The following FSTL4 variants were observed in gnomAD, a reference collection of about 807,000 sequenced individuals.
The protein encoded by FSTL4 is follistatin like 4, also known as follistatin-related protein 4.
In FSTL4, 28 loss-of-function variants were observed where a neutral mutation model predicts 78.2. The ratio of observed to expected loss-of-function variants is 0.36; its 90% CI spans 0.27 to 0.49. The LOEUF (loss-of-function observed/expected upper bound fraction) is 0.49, where lower values mean the gene tolerates loss of function less well. FSTL4 is among the 20% of genes least tolerant of loss of function. The probability of loss-of-function intolerance (pLI) is 0.98; values close to 1 mark genes in which losing one functional copy is unlikely to be tolerated. For synonymous variants in FSTL4, 422 were observed against 440.5 expected (o/e 0.96, Z 0.53); for missense variants, 922 against 1,084.9 (o/e 0.85, Z 2.11).
intron 4 of FSTL4, among the ~76,000 whole-genome samples, chr5:133,358,591 CTTTT>C (rs1173835923): frequency 8.7e-6 from 1 of 115,430 alleles, no homozygotes. Context: ...GGTTCTATTT[CTTTT>C]TTTTTTTTTT....
At chr5:133,768,533 C>G in the FSTL4 span, among the ~76,000 whole-genome samples, 5 of 152,200 alleles carry the variant, frequency 3.3e-5, no homozygotes, top group Non-Finnish European at 7.3e-5. Context: ...CCAGAGACCT[C>G]CCTGAATAGG....
chr5:133,523,040 T>C (rs957384550), intron 3 of FSTL4, among the ~76,000 whole-genome samples: 7 of 150,296 alleles, frequency 4.7e-5, no homozygotes, highest in African/African-American at 1.2e-4. Flanking sequence ...AGTGTTACTA[T>C]ATTTGGAGTT....
At chr5:133,696,325 T>C in the FSTL4 span, among the ~76,000 whole-genome samples, 1 of 152,234 alleles carries the variant, frequency 6.6e-6, no homozygotes, top group Non-Finnish European at 1.5e-5. Context: ...TTTGCCTCAA[T>C]ATCCTGCCGA....
intron 2 of FSTL4, among the ~76,000 whole-genome samples, chr5:133,578,300 A>ATC (rs1194098736): frequency 6.6e-6 from 1 of 152,256 alleles, no homozygotes; most frequent in African/African-American, 2.4e-5. Flanking sequence ...GTAGATCTGA[A>ATC]TCACCTGATT....
chr5:133,220,376 C>T lies in FSTL4; in HGVS notation c.1458+372G>A, dbSNP rs149040792. Reference sequence around the variant, plus strand: ...GCAATCATGCTCCTGCCTCTGCCCACTGAATGTTCCATCGTTATTTTCTAC... The same window carrying T: ...GCAATCATGCTCCTGCCTCTGCCCATTGAATGTTCCATCGTTATTTTCTAC... On this transcript the variant is annotated intron_variant, in intron 12 of 15. Coordinates refer to ENST00000265342, the MANE Select transcript of FSTL4 (RefSeq NM_015082.2). Among the ~76,000 whole-genome samples, 575 of 152,364 alleles carry T rather than the reference C, an allele frequency of 3.8e-3. 1 individual carries two copies. The highest frequency in any genetic ancestry group is 6.5e-3 in the Non-Finnish European group (445 of 68,046).
chr5:133,312,458 C>T, intron 6 of FSTL4, 196 bp downstream of exon 6: 1 of 597,324 alleles, frequency 1.7e-6, no homozygotes. Context: ...ACAGGGCAAG[C>T]CCTCTCTGGC....
the FSTL4 span, among the ~76,000 whole-genome samples, chr5:133,684,075 T>C: frequency 6.6e-6 from 1 of 152,220 alleles, no homozygotes; most frequent in African/African-American, 2.4e-5. Flanking sequence ...ATCACCGACT[T>C]AATGCCCCAT....
At chr5:133,614,474 T>G (rs1352619158), upstream of FSTL4, among the ~76,000 whole-genome samples, 2 of 151,910 alleles carry the variant, frequency 1.3e-5, no homozygotes, top group Non-Finnish European at 2.9e-5. Flanking sequence ...AAAATAAGAG[T>G]GAAATTAAAA....
intron 6 of FSTL4, among the ~76,000 whole-genome samples, chr5:133,298,196 A>T (rs970965010): frequency 1.3e-5 from 2 of 152,242 alleles, no homozygotes; most frequent in African/African-American, 4.8e-5. Context: ...TGCTGCAAGG[A>T]TTAATGAATT....
chr5:133,199,487 C>G lies in FSTL4; in HGVS notation c.2137G>C (p.Val713Leu), dbSNP rs766229025. ...TCGCCCCGCACTGTGATCTCCTGCACGTGCAGCCAGGGGCTGTCAGCTGCA... is the reference window on the plus strand; with the variant it reads ...TCGCCCCGCACTGTGATCTCCTGCAGGTGCAGCCAGGGGCTGTCAGCTGCA... The part of the protein sequence containing the change: ...SAAADSPWLH[V>L]QEITVRGEIQ... Residue 713 changes from valine (V) to leucine (L), a missense_variant, in exon 16 of 16, where the codon GTG becomes CTG. Val to Leu is a conservative substitution (Grantham distance 32). Transcript: ENST00000265342. This position sits in a 1 kb window ranked among gnomAD's most constrained non-coding sequence, Gnocchi z 4.4. 1.8e-5 allele frequency: 29 copies of G among 1,614,088 alleles called. No individual in the cohort carries two copies. The highest frequency in any genetic ancestry group is 2.3e-5 in the Non-Finnish European group (27 of 1,180,036).
At chr5:133,421,817 TA>T (rs1321760075) in intron 3 of FSTL4, among the ~76,000 whole-genome samples, 4 of 152,240 alleles carry the variant, frequency 2.6e-5, no homozygotes, top group African/African-American at 9.6e-5. Context: ...TGCCAGGCCA[TA>T]TTCTAAGTGC....
chr5:133,488,927 C>T (rs1758199404), intron 3 of FSTL4, among the ~76,000 whole-genome samples: 1 of 152,196 alleles, frequency 6.6e-6, no homozygotes, highest in Non-Finnish European at 1.5e-5. Flanking sequence ...AGCCTGAAAA[C>T]TCCAAAGCTC....
At chr5:133,218,006 G>A (rs758814816) in intron 12 of FSTL4, among the ~76,000 whole-genome samples, 16 of 152,130 alleles carry the variant, frequency 1.1e-4, no homozygotes, top group Admixed American at 6.5e-5. Flanking sequence ...TACATTCTAT[G>A]TGCTCACAAC....
chr5:133,657,818 A>C, the FSTL4 span, among the ~76,000 whole-genome samples: 1 of 149,680 alleles, frequency 6.7e-6, no homozygotes, highest in Non-Finnish European at 1.5e-5. Flanking sequence ...TTTTTTCTAA[A>C]ACAGATGTAT....
chr5:133,222,992 G>A (rs549750859), intron 11 of FSTL4, among the ~76,000 whole-genome samples: 52 of 152,298 alleles, frequency 3.4e-4, no homozygotes, highest in African/African-American at 1.1e-3. Context: ...GCCCCAAGGC[G>A]GCTGTGGGTC....
At chr5:133,451,492 G>C (rs959556403) in intron 3 of FSTL4, among the ~76,000 whole-genome samples, 1 of 152,158 alleles carries the variant, frequency 6.6e-6, no homozygotes, top group African/African-American at 2.4e-5. Flanking sequence ...ACCCAGGAGG[G>C]GGAGGTTGCA....
intron 4 of FSTL4, among the ~76,000 whole-genome samples, chr5:133,342,271 G>A (rs1754600164): frequency 6.6e-6 from 1 of 152,176 alleles, no homozygotes; most frequent in African/African-American, 2.4e-5. Flanking sequence ...AGGAGAAGCT[G>A]TGGGGTCAGG....
At chr5:133,429,915 A>G (rs577240838) in intron 3 of FSTL4, among the ~76,000 whole-genome samples, 15 of 152,282 alleles carry the variant, frequency 9.9e-5, no homozygotes, top group Middle Eastern at 6.8e-3. Context: ...CAGAGTTCAC[A>G]TATTCTTGTT....
the FSTL4 span, among the ~76,000 whole-genome samples, chr5:133,783,075 G>C: frequency 1.3e-5 from 2 of 152,200 alleles, no homozygotes; most frequent in Non-Finnish European, 2.9e-5. Flanking sequence ...TACATTTCGT[G>C]AAGTGATTTC....
Sources: gnomAD v4.1 joint callset for allele counts (sites outside exome capture counted in the v4.1 genomes callset) on GRCh38, gnomAD v4.1.1 for gene constraint, Gnocchi (gnomAD v3.1) non-coding constraint, MANE v1.5 for transcripts, NCBI Gene and HGNC (gene_info 2026-07-23, HGNC 2026-07-21) for gene names.